The following PRRG1 variants were observed in gnomAD, a reference collection of about 807,000 sequenced individuals.
The protein encoded by PRRG1 is proline rich and Gla domain 1, also known as transmembrane gamma-carboxyglutamic acid protein 1.
A neutral mutation model predicts 11.8 loss-of-function variants in PRRG1; 5 were observed. The ratio of observed to expected loss-of-function variants is 0.42; its 90% CI spans 0.22 to 0.89. The LOEUF is 0.89. Among genes scored for constraint, PRRG1 ranks in the 40% least tolerant of loss-of-function variants. PRRG1 has a pLI of 0.28. For missense variants in PRRG1, 155 were observed against 166.1 expected (o/e 0.93, Z 0.37); for synonymous variants, 66 against 60.4 (o/e 1.09, Z -0.43).
At chrX:37,432,041 T>G (rs1556390359) in intron 3 of PRRG1, among the ~76,000 whole-genome samples, 1 of 108,952 alleles carries the variant, frequency 9.2e-6, no homozygotes, top group Non-Finnish European at 1.9e-5. Context: ...CCTCCCAAAG[T>G]GCTAGGATTA....
At chrX:37,381,258 G>A (rs1424533515) in intron 1 of PRRG1, among the ~76,000 whole-genome samples, 3 of 111,684 alleles carry the variant, frequency 2.7e-5, no homozygotes, top group African/African-American at 9.7e-5. Flanking sequence ...ATTTGAGTGG[G>A]CCAGTTTCTA....
At chrX:37,360,076 T>C (rs1453067644) in intron 1 of PRRG1, among the ~76,000 whole-genome samples, 1 of 112,045 alleles carries the variant, frequency 8.9e-6, no homozygotes, top group East Asian at 2.8e-4. Flanking sequence ...ATTGAATTCA[T>C]TGATCTTTTC....
intron 3 of PRRG1, among the ~76,000 whole-genome samples, chrX:37,436,954 C>T (rs1932891051): frequency 8.9e-6 from 1 of 112,282 alleles, no homozygotes; most frequent in Admixed American, 9.4e-5. Context: ...CAAAGGCTTC[C>T]TCGCTACTTC....
intron 2 of PRRG1, among the ~76,000 whole-genome samples, chrX:37,423,035 C>G (rs1013192077): frequency 8.5e-4 from 94 of 110,844 alleles, no homozygotes; most frequent in Middle Eastern, 4.7e-3. Context: ...GATGACAGCT[C>G]CATGCATGTT....
rs369208924 is a variant in PRRG1, at chrX:37,417,703, A to G, written c.11-8137A>G. Among the ~76,000 whole-genome samples, 5 of 111,642 alleles carry G rather than the reference A, an allele frequency of 4.5e-5. No homozygotes were observed. In the East Asian group the frequency reaches 1.1e-3, roughly 25 times the overall value. ...CATCAGTCTGTGATAAGAAGTACCT[A>G]TTTAACACCTATTTCAGCAGAAAAA... On this transcript the variant is annotated intron_variant, in intron 2 of 3. Coordinates refer to ENST00000378628, the MANE Select transcript of PRRG1 (RefSeq NM_001142395.2).
intron 1 of PRRG1, among the ~76,000 whole-genome samples, chrX:37,379,387 G>A (rs1163390260): frequency 1.8e-5 from 2 of 109,969 alleles, no homozygotes; most frequent in African/African-American, 3.3e-5. Flanking sequence ...AATAATTATC[G>A]GCCAAGGAAG....
intron 1 of PRRG1, among the ~76,000 whole-genome samples, chrX:37,349,729 C>T (rs1929991806): frequency 9.0e-6 from 1 of 111,247 alleles, no homozygotes; most frequent in Non-Finnish European, 1.9e-5. Flanking sequence ...AGTTCAGTCC[C>T]CTGCTTGGTG....
At chrX:37,427,878 A>T (rs1215223395) in intron 3 of PRRG1, among the ~76,000 whole-genome samples, 2 of 112,014 alleles carry the variant, frequency 1.8e-5, no homozygotes, top group Non-Finnish European at 3.8e-5. Flanking sequence ...CAAGACTGGA[A>T]AAAAAGGATT....
rs1461173209 is a variant in PRRG1, at chrX:37,425,914, A to C, written c.85A>C (p.Arg29=). ...PRANGFFEEI[R]QGNIERECKE... is the part of the protein sequence containing the mutation. The stretch of plus-strand genomic sequence containing the variant: ...AGCTAATGGGTTTTTTGAAGAAATA[A>C]GACAGGGCAACATTGAGCGTGAGTG... Residue 29 remains arginine (R), a synonymous_variant, in exon 3 of 4, where the codon AGA becomes CGA. Transcript: ENST00000378628. 1 of 1,206,275 alleles carries C rather than the reference A, an allele frequency of 8.3e-7. No homozygotes were observed. The highest frequency in any genetic ancestry group is 1.7e-5 in the African/African-American group (1 of 57,176).
chrX:37,432,212 C>T (rs1433420245), intron 3 of PRRG1, among the ~76,000 whole-genome samples: 24 of 109,996 alleles, frequency 2.2e-4, no homozygotes, highest in African/African-American at 8.0e-4. Context: ...CTCAGCCTCC[C>T]AAGTAGCTGG....
At chrX:37,374,868 T>C (rs1200774749) in intron 1 of PRRG1, among the ~76,000 whole-genome samples, 1 of 111,921 alleles carries the variant, frequency 8.9e-6, no homozygotes, top group Non-Finnish European at 1.9e-5. Context: ...GCCTTTTTAG[T>C]ATGCTTTGTG....
intron 1 of PRRG1, among the ~76,000 whole-genome samples, chrX:37,382,238 G>C (rs781992588): frequency 9.0e-5 from 10 of 111,381 alleles, no homozygotes; most frequent in African/African-American, 3.3e-4. Flanking sequence ...TAAGAGGCAG[G>C]CTGGTTAAAT....
At chrX:37,373,045 A>G (rs1379691239) in intron 1 of PRRG1, among the ~76,000 whole-genome samples, 2 of 112,038 alleles carry the variant, frequency 1.8e-5, no homozygotes, top group African/African-American at 6.5e-5. Context: ...CTATTTATTG[A>G]AGAGACTCTC....
At chrX:37,367,555 C>A (rs1556369760) in intron 1 of PRRG1, among the ~76,000 whole-genome samples, 1 of 111,265 alleles carries the variant, frequency 9.0e-6, no homozygotes, top group Non-Finnish European at 1.9e-5. Context: ...GGAATGTGAC[C>A]CTTTGGATGT....
Position 37,398,131 on chromosome X carries a change from C to A in PRRG1, c.-41-8078C>A, listed in dbSNP as rs1011864743. 9.9e-5 allele frequency among the ~76,000 whole-genome samples: 11 copies of A among 111,035 alleles called. No homozygotes were observed. In the South Asian group the frequency reaches 1.2e-3, roughly 12 times the overall value. ...GACAGCTTTGAAGAGAGCAGTGGTT[C>A]TCCCAGCACGCAGCTGGAGATCTGA... On this transcript the variant is annotated intron_variant, in intron 1 of 3. Transcript: ENST00000378628.
At chrX:37,369,750 T>A (rs1930702481) in intron 1 of PRRG1, among the ~76,000 whole-genome samples, 1 of 111,448 alleles carries the variant, frequency 9.0e-6, no homozygotes. Context: ...TGGGAGGCAA[T>A]TGAATCATGA....
At chrX:37,408,173 A>G (rs781939380) in intron 2 of PRRG1, among the ~76,000 whole-genome samples, 8 of 111,617 alleles carry the variant, frequency 7.2e-5, no homozygotes, top group Non-Finnish European at 1.1e-4. Context: ...GACTGGGGGA[A>G]CTCCAGGGTC....
chrX:37,450,842 G>C (rs1314071400), intron 3 of PRRG1, among the ~76,000 whole-genome samples: 4 of 111,965 alleles, frequency 3.6e-5, no homozygotes, highest in African/African-American at 1.3e-4. Flanking sequence ...ATTTGTAAAA[G>C]AGTCTGTTAT....
intron 1 of PRRG1, among the ~76,000 whole-genome samples, chrX:37,353,287 T>C (rs1601964717): frequency 8.9e-6 from 1 of 112,165 alleles, no homozygotes; most frequent in South Asian, 3.7e-4. Flanking sequence ...TAAAAACTTA[T>C]GGAATAAGGA....
Sources: allele counts gnomAD v4.1 joint callset (sites outside exome capture counted in the v4.1 genomes callset), GRCh38; gene constraint gnomAD v4.1.1; transcripts MANE v1.5; gene names NCBI Gene and HGNC (gene_info 2026-07-23, HGNC 2026-07-21).